The following MAD1L1 variants were observed in gnomAD, a reference collection of about 807,000 sequenced individuals.
MAD1L1 encodes mitotic arrest deficient 1 like 1.
MAD1L1 carries 95 observed loss-of-function variants against 96.9 expected under a neutral mutation model. The ratio of observed to expected loss-of-function variants is 0.98; its 90% CI spans 0.83 to 1.16. The LOEUF is 1.16. Ranked by LOEUF, MAD1L1 falls within the 50% of genes most tolerant of loss-of-function variation. The pLI is 0.00. For missense variants in MAD1L1, 1,007 were observed against 954.4 expected (o/e 1.06, Z -0.73); for synonymous variants, 473 against 396.6 (o/e 1.19, Z -2.29).
rs565684759 is a variant in MAD1L1, at chr7:2,116,579, G to A, written c.1073+32573C>T. ...CAGGCCAGAGGGTTGGGGGGGGGGG[G>A]GGCTCCTGTGTGTACACAGGGCTGC... is the stretch of plus-strand genomic sequence containing the variant. On this transcript the variant is annotated intron_variant, in intron 11 of 18. Coordinates refer to ENST00000265854, the MANE Select transcript of MAD1L1 (RefSeq NM_001013836.2). Among the ~76,000 whole-genome samples, 120 of 150,360 alleles carry A rather than the reference G, an allele frequency of 8.0e-4. 5 individuals are homozygous for A. The highest frequency in any genetic ancestry group is 1.3e-3 in the Admixed American group (20 of 15,162).
At chr7:1,919,305 G>A (rs1479333578) in intron 17 of MAD1L1, among the ~76,000 whole-genome samples, 3 of 152,236 alleles carry the variant, frequency 2.0e-5, no homozygotes, top group Non-Finnish European at 2.9e-5. Flanking sequence ...CGTCCAACAC[G>A]GCTGCCCCGG....
chr7:1,895,415 CCT>C (rs1361347606), intron 18 of MAD1L1, among the ~76,000 whole-genome samples: 3 of 152,218 alleles, frequency 2.0e-5, no homozygotes, highest in Non-Finnish European at 4.4e-5. Flanking sequence ...GAGTCAGCCC[CCT>C]GCCTGGGTTG....
At chr7:1,961,140 C>T (rs1779935645) in intron 15 of MAD1L1, among the ~76,000 whole-genome samples, 3 of 152,190 alleles carry the variant, frequency 2.0e-5, no homozygotes, top group Non-Finnish European at 4.4e-5. Flanking sequence ...GCCTTGTCCA[C>T]AGGCTGGGAG....
chr7:2,156,553 C>T (rs1218882489), intron 10 of MAD1L1, among the ~76,000 whole-genome samples: 2 of 152,224 alleles, frequency 1.3e-5, no homozygotes, highest in African/African-American at 2.4e-5. Flanking sequence ...CGCGCAGTGG[C>T]TCACGCCTAT....
At chr7:1,940,999 A>ACC (rs1562545602) in intron 16 of MAD1L1, among the ~76,000 whole-genome samples, 1 of 149,264 alleles carries the variant, frequency 6.7e-6, no homozygotes, top group African/African-American at 2.5e-5. Flanking sequence ...CCCAGGCCTC[A>ACC]GCCTCCTCTT....
intron 11 of MAD1L1, among the ~76,000 whole-genome samples, chr7:2,085,837 G>T (rs563116669): frequency 6.6e-6 from 1 of 152,338 alleles, no homozygotes; most frequent in Admixed American, 6.5e-5. Context: ...CACTTAGAAG[G>T]GAAGTTGCTG....
chr7:2,201,415 C>A lies in MAD1L1; in HGVS notation c.986+11797G>T, dbSNP rs549593801. ...AGTAGGGACGTGGACACCCTGGGAG[C>A]CCCTAGCCCACAAGGAGGGGACAGC... is the stretch of plus-strand genomic sequence containing the variant. On this transcript the variant is annotated intron_variant, in intron 10 of 18. Transcript: ENST00000265854. Among the ~76,000 whole-genome samples, 15 of 152,256 alleles carry A rather than the reference C, an allele frequency of 9.9e-5. No individual in the cohort carries two copies. The South Asian group carries it at 1.9e-3, about 19-fold the overall frequency.
chr7:1,943,850 G>A (rs942622006), intron 16 of MAD1L1, among the ~76,000 whole-genome samples: 11 of 152,186 alleles, frequency 7.2e-5, no homozygotes, highest in African/African-American at 2.7e-4. Flanking sequence ...GGCGATGACT[G>A]GATATGTAAG....
Position 2,063,565 on chromosome 7 carries a change from A to G in MAD1L1, c.1218+5629T>C, listed in dbSNP as rs1210802086. On this transcript the variant is annotated intron_variant, in intron 12 of 18. Transcript: ENST00000265854. ...CTTGCCTCTGCTCCATGTCCCTTCCACCCACACGTCCTATGGGAGCAAAAA... is the reference window on the plus strand; with the variant it reads ...CTTGCCTCTGCTCCATGTCCCTTCCGCCCACACGTCCTATGGGAGCAAAAA... 5.9e-5 allele frequency among the ~76,000 whole-genome samples: 9 copies of G among 152,266 alleles called. No homozygotes were observed. The East Asian group carries it at 1.7e-3, about 29-fold the overall frequency.
At chr7:2,158,020 AGATGACACGGCAGT>A (rs1789923059) in intron 10 of MAD1L1, among the ~76,000 whole-genome samples, 2 of 152,240 alleles carry the variant, frequency 1.3e-5, no homozygotes, top group African/African-American at 4.8e-5. Flanking sequence ...CTCAGCTCGG[AGATGACACGGCAGT>A]GACAGTTCCA....
intron 18 of MAD1L1, chr7:1,838,443 G>A (rs749539180): frequency 3.9e-6 from 1 of 255,244 alleles, no homozygotes; most frequent in East Asian, 8.5e-5. Context: ...TTCTATCAAC[G>A]GATGAACGGA....
chr7:2,213,251 C>T lies in MAD1L1; in HGVS notation c.947G>A (p.Ser316Asn), dbSNP rs552357920. 3.1e-6 allele frequency: 5 copies of T among 1,614,196 alleles called. No individual in the cohort carries two copies. The highest frequency in any genetic ancestry group is 1.1e-5 in the South Asian group (1 of 91,088). Residue 316 changes from serine (S) to asparagine (N), a missense_variant, in exon 10 of 19, where the codon AGC becomes AAC. Ser to Asn is a conservative substitution (Grantham distance 46). Coordinates refer to ENST00000265854, the MANE Select transcript of MAD1L1 (RefSeq NM_001013836.2). ...ENERLLAKLQ[S>N]WERLDQTMGL... ...CATGGTCTGGTCCAGTCTCTCCCAG[C>T]TTTGCAGCTTGGCCAGCAGCCTCTG... is the stretch of plus-strand genomic sequence containing the variant.
chr7:2,059,122 C>G (rs111162085), intron 12 of MAD1L1, among the ~76,000 whole-genome samples: 2,747 of 19,614 alleles, frequency 0.14, 418 homozygotes, highest in Middle Eastern at 0.25. Flanking sequence ...TGTGGCCAGA[C>G]GAGAGAAGCA....
At chr7:1,926,711 A>G (rs1378507127) in intron 17 of MAD1L1, among the ~76,000 whole-genome samples, 1 of 152,204 alleles carries the variant, frequency 6.6e-6, no homozygotes, top group Non-Finnish European at 1.5e-5. Flanking sequence ...TCAGCAAACT[A>G]AGAATGGAAA....
At chr7:1,997,647 A>C (rs1584030679) in intron 14 of MAD1L1, among the ~76,000 whole-genome samples, 1 of 152,248 alleles carries the variant, frequency 6.6e-6, no homozygotes, top group East Asian at 1.9e-4. Context: ...CATGACACTG[A>C]GGGCTCTGGG....
intron 16 of MAD1L1, among the ~76,000 whole-genome samples, chr7:1,938,416 A>G (rs1286843662): frequency 6.6e-6 from 1 of 152,236 alleles, no homozygotes; most frequent in Non-Finnish European, 1.5e-5. Context: ...CGTAAAAGAA[A>G]AAAAAAAGAG....
In MAD1L1 at chr7:2,112,102, C is replaced by T. The variant is rs554438888; in HGVS notation, c.1073+37050G>A. ...CAGCGCTGCGATTCACACAGCCACG[C>T]GGTGAGTCCCAAATGCACCTCCATG... On this transcript the variant is annotated intron_variant, in intron 11 of 18. Transcript: ENST00000265854. 9.9e-5 allele frequency among the ~76,000 whole-genome samples: 15 copies of T among 152,248 alleles called. No individual in the cohort carries two copies. In the South Asian group the frequency reaches 2.3e-3, roughly 23 times the overall value.
At chr7:2,048,020 A>G (rs1476279253) in intron 12 of MAD1L1, among the ~76,000 whole-genome samples, 1 of 152,156 alleles carries the variant, frequency 6.6e-6, no homozygotes, top group Non-Finnish European at 1.5e-5. Flanking sequence ...TGCGCACACA[A>G]GTACACACGT....
At chr7:1,999,326 C>G (rs1781690113) in intron 14 of MAD1L1, among the ~76,000 whole-genome samples, 1 of 152,190 alleles carries the variant, frequency 6.6e-6, no homozygotes, top group African/African-American at 2.4e-5. Flanking sequence ...TTTTAAAACC[C>G]AGACCTGAGA....
Sources: gnomAD v4.1 joint callset for allele counts (sites outside exome capture counted in the v4.1 genomes callset) on GRCh38, gnomAD v4.1.1 for gene constraint, MANE v1.5 for transcripts, NCBI Gene and HGNC (gene_info 2026-07-23, HGNC 2026-07-21) for gene names.